Variants in CAPSL observed in about 807,000 individuals in gnomAD.
The protein encoded by CAPSL is calcyphosine like, also known as calcyphosin-like protein.
CAPSL carries 17 observed loss-of-function variants against 21.3 expected under a neutral mutation model. The ratio of observed to expected loss-of-function variants is 0.80; its 90% CI spans 0.55 to 1.20. CAPSL has a LOEUF of 1.20. Among genes scored for constraint, CAPSL ranks in the 50% most tolerant of loss-of-function variants. The pLI is 0.00. For missense variants in CAPSL, 289 were observed against 259.3 expected (o/e 1.11, Z -0.79); for synonymous variants, 102 against 89.3 (o/e 1.14, Z -0.80).
chr5:35,914,338 T>G (rs974671293), intron 2 of CAPSL, among the ~76,000 whole-genome samples: 8 of 152,168 alleles, frequency 5.3e-5, no homozygotes, highest in Non-Finnish European at 8.8e-5. Context: ...GGAATTGAAC[T>G]AAGTTCTGCA....
At chr5:35,934,114 A>T (rs1738886325) in intron 1 of CAPSL, among the ~76,000 whole-genome samples, 2 of 152,216 alleles carry the variant, frequency 1.3e-5, no homozygotes, top group African/African-American at 4.8e-5. Flanking sequence ...CTTTATACAA[A>T]GCTGTCTGAT....
At chr5:35,937,545 A>G (rs1388344176) in intron 1 of CAPSL, among the ~76,000 whole-genome samples, 2 of 152,182 alleles carry the variant, frequency 1.3e-5, no homozygotes, top group Non-Finnish European at 2.9e-5. Context: ...AAGTCCAAAT[A>G]GCATTCACAT....
chr5:35,914,240 A>C (rs1738310380), intron 2 of CAPSL, among the ~76,000 whole-genome samples: 1 of 152,148 alleles, frequency 6.6e-6, no homozygotes, highest in Non-Finnish European at 1.5e-5. Flanking sequence ...AGAGACTTAG[A>C]CTCCCACACA....
chr5:35,917,412 C>T (rs190426686), intron 2 of CAPSL, among the ~76,000 whole-genome samples: 7 of 152,322 alleles, frequency 4.6e-5, no homozygotes, highest in Admixed American at 3.9e-4. Flanking sequence ...AAGACACATA[C>T]ACACGTATGT....
intron 1 of CAPSL, among the ~76,000 whole-genome samples, chr5:35,937,962 C>A (rs7445299): frequency 2.0e-5 from 3 of 152,164 alleles, no homozygotes; most frequent in Non-Finnish European, 4.4e-5. Flanking sequence ...TAAAGGACCC[C>A]CTCAAGTCTC....
In CAPSL at chr5:35,909,918, A is replaced by G. The variant is rs768790108; in HGVS notation, c.473T>C (p.Val158Ala). 4 of 1,613,816 alleles carry G rather than the reference A, an allele frequency of 2.5e-6. No homozygotes were observed. Among genetic ancestry groups the G allele is most frequent in the East Asian group, 2.2e-5 (1 of 44,858 alleles). Residue 158 changes from valine to alanine, a missense_variant, in exon 4 of 5, where the codon GTA becomes GCA. Physicochemically the swap from Val to Ala is moderately conservative, Grantham distance 64 (BLOSUM62 0). Coordinates refer to ENST00000651391, the MANE Select transcript of CAPSL (RefSeq NM_001042625.2). The part of the protein sequence containing the change: ...YQNGEWSEEQ[V>A]FRKFLDNFDS... ...AAAGTTATCCAGAAATTTCCTAAATACTTGTTCCTCACTCCATTCCCCATT... is the reference window on the plus strand; with the variant it reads ...AAAGTTATCCAGAAATTTCCTAAATGCTTGTTCCTCACTCCATTCCCCATT...
chr5:35,914,395 A>G (rs1291250567), intron 2 of CAPSL, among the ~76,000 whole-genome samples: 5 of 152,226 alleles, frequency 3.3e-5, no homozygotes, highest in African/African-American at 1.2e-4. Context: ...CCCCAAATCA[A>G]CAGAATATAC....
intron 2 of CAPSL, among the ~76,000 whole-genome samples, chr5:35,920,074 C>G (rs1738495962): frequency 6.6e-6 from 1 of 152,188 alleles, no homozygotes. Context: ...CATATCCCCA[C>G]TGCCTGGCCT....
intron 2 of CAPSL, among the ~76,000 whole-genome samples, chr5:35,919,764 G>A (rs961122144): frequency 1.3e-5 from 2 of 152,168 alleles, no homozygotes; most frequent in Non-Finnish European, 2.9e-5. Context: ...AGTAAGTGAG[G>A]CAGATGGCAC....
intron 1 of CAPSL, among the ~76,000 whole-genome samples, chr5:35,923,876 C>A (rs1051304579): frequency 1.3e-5 from 2 of 152,050 alleles, no homozygotes; most frequent in African/African-American, 4.8e-5. Context: ...TTTAAAATTG[C>A]TAATTTATGT....
At chr5:35,930,839 C>G (rs747238045) in intron 1 of CAPSL, among the ~76,000 whole-genome samples, 11 of 152,162 alleles carry the variant, frequency 7.2e-5, no homozygotes, top group Non-Finnish European at 1.2e-4. Context: ...ACTGGGTAGG[C>G]ACAGGAACCA....
intron 1 of CAPSL, among the ~76,000 whole-genome samples, chr5:35,931,124 G>A (rs187487861): frequency 1.2e-3 from 182 of 152,236 alleles, no homozygotes; most frequent in South Asian, 0.011. Context: ...ATCTGTTGTT[G>A]GTCAGGTCTT....
At chr5:35,919,976 T>A (rs1421838970) in intron 2 of CAPSL, among the ~76,000 whole-genome samples, 1 of 152,078 alleles carries the variant, frequency 6.6e-6, no homozygotes, top group Non-Finnish European at 1.5e-5. Context: ...GGACCCATGA[T>A]GAATGGGATA....
Position 35,909,910 on chromosome 5 carries a change from T to C in CAPSL, c.481A>G (p.Lys161Glu). 1 of 1,613,710 alleles carries C rather than the reference T, an allele frequency of 6.2e-7. No individual in the cohort carries two copies. Among genetic ancestry groups the C allele is most frequent in the South Asian group, 1.1e-5 (1 of 90,894 alleles). ...GGTGAATCAAAGTTATCCAGAAATT[T>C]CCTAAATACTTGTTCCTCACTCCAT... ...GEWSEEQVFR[K>E]FLDNFDSPYD... The change falls in exon 4 of 5, where the codon AAA becomes GAA. Residue 161 changes from lysine to glutamate, a missense_variant. Transcript: ENST00000651391.
chr5:35,932,125 G>C (rs1405462415), intron 1 of CAPSL, among the ~76,000 whole-genome samples: 1 of 152,030 alleles, frequency 6.6e-6, no homozygotes, highest in East Asian at 1.9e-4. Flanking sequence ...GTTCTTAACT[G>C]ATACTTCCAG....
chr5:35,917,444 T>C (rs1482835478), intron 2 of CAPSL, among the ~76,000 whole-genome samples: 2 of 152,148 alleles, frequency 1.3e-5, no homozygotes, highest in African/African-American at 4.8e-5. Context: ...CTATTCACAA[T>C]AGCAAAGACT....
chr5:35,904,611 A>T lies in CAPSL; in HGVS notation c.561T>A (p.Gly187=), dbSNP rs773021153. Residue 187 remains glycine (G), a synonymous_variant, in exon 5 of 5, where the codon GGT becomes GGA. Coordinates refer to ENST00000651391, the MANE Select transcript of CAPSL (RefSeq NM_001042625.2). ...CATCAGTGTCAATGGATGCGCTCAC[A>T]CCTGCATAGTAGTTCATGAACTCCT... ...TPEEFMNYYA[G]VSASIDTDVY... The T allele has an allele frequency of 1.9e-5, 31 of 1,613,646 alleles. No homozygotes were observed. The highest frequency in any genetic ancestry group is 3.4e-6 in the Non-Finnish European group (4 of 1,179,948).
intron 1 of CAPSL, among the ~76,000 whole-genome samples, chr5:35,932,939 C>A (rs750837879): frequency 9.9e-5 from 15 of 152,194 alleles, no homozygotes; most frequent in African/African-American, 3.4e-4. Context: ...CCTGGGACAT[C>A]AGACCACACC....
chr5:35,919,170 A>AATATATAT (rs1554069749), intron 2 of CAPSL, among the ~76,000 whole-genome samples: 39 of 121,268 alleles, frequency 3.2e-4, no homozygotes, highest in Middle Eastern at 4.3e-3. Flanking sequence ...TAAAAAAAAA[A>AATATATAT]ATATATATAT....
Sources: allele counts gnomAD v4.1 joint callset (sites outside exome capture counted in the v4.1 genomes callset), GRCh38; gene constraint gnomAD v4.1.1; transcripts MANE v1.5; gene names NCBI Gene and HGNC (gene_info 2026-07-23, HGNC 2026-07-21).